Variants in DPP10 observed in about 807,000 individuals in gnomAD.
The protein encoded by DPP10 is dipeptidyl peptidase like 10.
Under a neutral mutation model 120.9 loss-of-function variants are expected in DPP10, and 33 were observed. The observed-to-expected ratio is 0.27, with a 90% CI of 0.21 to 0.37. DPP10 has a LOEUF of 0.37. Ranked by LOEUF, DPP10 falls within the 10% of genes least tolerant of loss-of-function variation. The pLI is 1.00. For synonymous variants in DPP10, 337 were observed against 326.1 expected (o/e 1.03, Z -0.36); for missense variants, 816 against 942.8 (o/e 0.87, Z 1.76).
At chr2:114,977,876 G>A (rs926834200) in intron 1 of DPP10, among the ~76,000 whole-genome samples, 3 of 145,984 alleles carry the variant, frequency 2.1e-5, no homozygotes, top group African/African-American at 7.7e-5. Flanking sequence ...GCCACTTTTT[G>A]ATGTTTATAT....
intron 1 of DPP10, among the ~76,000 whole-genome samples, chr2:114,460,169 ATATCTATC>A (rs10686701): frequency 0.33 from 48,975 of 148,254 alleles, 8,121 homozygotes; most frequent in African/African-American, 0.37. Context: ...ATTTGGGATG[ATATCTATC>A]TATCTATCTA....
At chr2:115,258,428 T>A (rs1259943035) in intron 1 of DPP10, among the ~76,000 whole-genome samples, 4 of 146,470 alleles carry the variant, frequency 2.7e-5, no homozygotes, top group African/African-American at 1.0e-4. Context: ...ACAAAGACAA[T>A]AATCCAGAAA....
chr2:114,619,573 T>G (rs550002457), intron 1 of DPP10, among the ~76,000 whole-genome samples: 1 of 151,672 alleles, frequency 6.6e-6, no homozygotes, highest in East Asian at 1.9e-4. Context: ...CTGAAAGGAT[T>G]TTCCAAAAAA....
At chr2:114,595,794 T>A (rs575909663) in intron 1 of DPP10, among the ~76,000 whole-genome samples, 4 of 152,238 alleles carry the variant, frequency 2.6e-5, no homozygotes, top group African/African-American at 9.6e-5. Context: ...AGCTTTTCAG[T>A]GACCCAGGAA....
At chr2:114,910,807 G>C (rs1043746172) in intron 1 of DPP10, among the ~76,000 whole-genome samples, 15 of 151,988 alleles carry the variant, frequency 9.9e-5, no homozygotes, top group Admixed American at 1.3e-4. Flanking sequence ...TTGGAATATA[G>C]GGTTTAAATT....
intron 1 of DPP10, among the ~76,000 whole-genome samples, chr2:114,690,442 G>T (rs1162475464): frequency 2.6e-5 from 4 of 151,852 alleles, no homozygotes; most frequent in African/African-American, 9.7e-5. Context: ...ATTGTTCTGT[G>T]TGTCTGTTCT....
intron 1 of DPP10, among the ~76,000 whole-genome samples, chr2:115,099,150 A>G (rs12469890): frequency 0.2 from 30,434 of 150,282 alleles, 3,884 homozygotes; most frequent in East Asian, 0.35. Context: ...AAAAAAAGAA[A>G]AAAAGAAAAG....
At chr2:114,874,685 C>T (rs1359132831) in intron 1 of DPP10, among the ~76,000 whole-genome samples, 2 of 151,900 alleles carry the variant, frequency 1.3e-5, no homozygotes, top group African/African-American at 4.8e-5. Context: ...ATCCCAAAAC[C>T]ATCTCCCCAA....
At chr2:114,563,609 T>A (rs1688945898) in intron 1 of DPP10, among the ~76,000 whole-genome samples, 2 of 152,226 alleles carry the variant, frequency 1.3e-5, no homozygotes, top group Non-Finnish European at 2.9e-5. Context: ...TGCTATTTAC[T>A]CCCTCAAGTT....
chr2:114,529,277 CT>C (rs1305061003), intron 1 of DPP10, among the ~76,000 whole-genome samples: 1 of 152,024 alleles, frequency 6.6e-6, no homozygotes, highest in Non-Finnish European at 1.5e-5. Flanking sequence ...CACTTTTTTT[CT>C]TGAAGAACGC....
At chr2:115,237,916 C>G (rs1369391636) in intron 1 of DPP10, among the ~76,000 whole-genome samples, 3 of 152,188 alleles carry the variant, frequency 2.0e-5, no homozygotes, top group African/African-American at 7.2e-5. Flanking sequence ...TCCATAACAT[C>G]AAAGTGCAAG....
intron 1 of DPP10, among the ~76,000 whole-genome samples, chr2:114,924,767 C>T (rs986069794): frequency 6.6e-6 from 1 of 151,774 alleles, no homozygotes; most frequent in Non-Finnish European, 1.5e-5. Context: ...AGGGCAACAA[C>T]ACAAAACACA....
intron 1 of DPP10, among the ~76,000 whole-genome samples, chr2:115,020,031 C>A (rs1445928546): frequency 6.6e-6 from 1 of 152,058 alleles, no homozygotes; most frequent in Non-Finnish European, 1.5e-5. Flanking sequence ...AATCTTAAAA[C>A]AAATCCTCAA....
chr2:115,104,383 C>A (rs1056094259), intron 1 of DPP10, among the ~76,000 whole-genome samples: 5 of 151,788 alleles, frequency 3.3e-5, no homozygotes, highest in African/African-American at 1.2e-4. Flanking sequence ...TTTCACATGA[C>A]CATAGAGTGA....
intron 1 of DPP10, among the ~76,000 whole-genome samples, chr2:114,845,532 C>G (rs1176216458): frequency 6.6e-6 from 1 of 152,110 alleles, no homozygotes; most frequent in Non-Finnish European, 1.5e-5. Flanking sequence ...TTAAGGCAGA[C>G]AGGGCCACCA....
intron 1 of DPP10, among the ~76,000 whole-genome samples, chr2:115,285,697 G>A (rs115482517): frequency 5.9e-5 from 9 of 152,034 alleles, no homozygotes; most frequent in African/African-American, 2.2e-4. Flanking sequence ...AAAAAGAGAA[G>A]GCCTTGGTCT....
chr2:114,998,439 A>G (rs1448287076), intron 1 of DPP10, among the ~76,000 whole-genome samples: 3 of 152,176 alleles, frequency 2.0e-5, no homozygotes, highest in Non-Finnish European at 2.9e-5. Context: ...ATTTAGTTGC[A>G]AGTAATAATT....
intron 1 of DPP10, among the ~76,000 whole-genome samples, chr2:114,794,178 C>T (rs948530009): frequency 2.6e-5 from 4 of 152,156 alleles, no homozygotes; most frequent in Non-Finnish European, 5.9e-5. Flanking sequence ...CTTTGTCTGA[C>T]TTGTCCATGA....
At chr2:115,523,947 G>A (rs2077977611) in intron 4 of DPP10, among the ~76,000 whole-genome samples, 1 of 152,208 alleles carries the variant, frequency 6.6e-6, no homozygotes, top group South Asian at 2.1e-4. Flanking sequence ...GCCAGTGAAT[G>A]TTGTTATCTT....
Sources: allele counts gnomAD v4.1 joint callset (sites outside exome capture counted in the v4.1 genomes callset), GRCh38; gene constraint gnomAD v4.1.1; transcripts MANE v1.5; gene names NCBI Gene and HGNC (gene_info 2026-07-23, HGNC 2026-07-21).